ENTPD1: variants seen among roughly 807,000 people sequenced by gnomAD.
ENTPD1 encodes ATP diphosphohydrolase.
A neutral mutation model predicts 57.0 loss-of-function variants in ENTPD1; 33 were observed. That is an observed-to-expected ratio of 0.58 (90% confidence interval 0.44 to 0.77). The LOEUF is 0.77. ENTPD1 is among the 30% of genes least tolerant of loss of function. ENTPD1 has a pLI of 0.00. For missense variants in ENTPD1, 501 were observed against 603.4 expected (o/e 0.83, Z 1.78); for synonymous variants, 202 against 218.8 (o/e 0.92, Z 0.68).
chr10:95,816,127 C>G (rs969599757), intron 1 of ENTPD1, among the ~76,000 whole-genome samples: 8 of 152,200 alleles, frequency 5.3e-5, no homozygotes, highest in African/African-American at 1.9e-4. Flanking sequence ...TTGCTTCTCC[C>G]TGGTGCTTGA....
At chr10:95,755,606 A>G, upstream of ENTPD1, 2 of 1,299,432 alleles carry the variant, frequency 1.5e-6, no homozygotes, top group Non-Finnish European at 2.1e-6. Flanking sequence ...CCAGCCTTCC[A>G]ACCAATAACG....
intron 1 of ENTPD1, among the ~76,000 whole-genome samples, chr10:95,749,232 T>G (rs953473826): frequency 1.3e-5 from 2 of 152,232 alleles, no homozygotes; most frequent in Non-Finnish European, 2.9e-5. Flanking sequence ...AAAGGGAGGT[T>G]GAGTGTTGCT....
chr10:95,873,320 C>T lies in ENTPD1; in HGVS notation c.*6937C>T, dbSNP rs981623683. 1.1e-5 allele frequency: 11 copies of T among 985,398 alleles called. No homozygotes were observed. Among genetic ancestry groups the T allele is most frequent in the Non-Finnish European group, 1.2e-5 (10 of 829,986 alleles). 61.0% of individuals were successfully genotyped at this position (985,398 alleles called of 1,614,324 possible). On this transcript the variant is annotated 3_prime_UTR_variant, in exon 10 of 10. Transcript: ENST00000371205. ...CGTGGTATTTACAAAGCTCACTCCT[C>T]TTATACAACAATCCAAGTGTTTCTT...
chr10:95,722,595 AAG>A (rs1462509072), intron 1 of ENTPD1, among the ~76,000 whole-genome samples: 1 of 147,842 alleles, frequency 6.8e-6, no homozygotes, highest in East Asian at 2.1e-4. Context: ...GAGTTGAACA[AAG>A]AGAACACATG....
At chr10:95,802,756 C>T (rs1354430730) in intron 1 of ENTPD1, among the ~76,000 whole-genome samples, 1 of 152,204 alleles carries the variant, frequency 6.6e-6, no homozygotes, top group Non-Finnish European at 1.5e-5. Context: ...TGGTTTCCAT[C>T]TTCATCCATG....
chr10:95,726,252 C>A lies in ENTPD1; in HGVS notation c.37+14259C>A, dbSNP rs559491231. On this transcript the variant is annotated intron_variant, in intron 1 of 9. Coordinates refer to the ENTPD1 transcript ENST00000453258. Reference sequence around the variant, plus strand: ...CTATTTATAATGTTCATAAATATATCATCTACATATACTAGAACCATAGTG... The same window carrying A: ...CTATTTATAATGTTCATAAATATATAATCTACATATACTAGAACCATAGTG... Among the ~76,000 whole-genome samples, 38 of 152,308 alleles carry A rather than the reference C, an allele frequency of 2.5e-4. No homozygotes were observed. The South Asian group carries it at 7.5e-3, about 30-fold the overall frequency.
At chr10:95,768,451 C>G (rs1023022577) in intron 1 of ENTPD1, among the ~76,000 whole-genome samples, 1 of 151,838 alleles carries the variant, frequency 6.6e-6, no homozygotes, top group Non-Finnish European at 1.5e-5. Context: ...GCCTCCTTCC[C>G]TCTTTCTTTC....
intron 1 of ENTPD1, among the ~76,000 whole-genome samples, chr10:95,712,298 G>A (rs906487440): frequency 8.5e-5 from 13 of 152,138 alleles, no homozygotes; most frequent in Admixed American, 7.2e-4. Flanking sequence ...TATTTGAGCT[G>A]GCACTGCAGA....
chr10:95,753,602 T>A (rs1001326794), upstream of ENTPD1: 1 of 152,242 alleles, frequency 6.6e-6, no homozygotes, highest in African/African-American at 2.4e-5. Flanking sequence ...CTCTCCCTGA[T>A]GAAATGTAAA....
At chr10:95,864,264 T>C (rs2098470232) in intron 8 of ENTPD1, among the ~76,000 whole-genome samples, 1 of 152,190 alleles carries the variant, frequency 6.6e-6, no homozygotes, top group Non-Finnish European at 1.5e-5. Flanking sequence ...TCTGAATTGG[T>C]AGTTTTAAGG....
At chr10:95,783,002 C>T (rs1367537585) in intron 1 of ENTPD1, among the ~76,000 whole-genome samples, 1 of 152,028 alleles carries the variant, frequency 6.6e-6, no homozygotes, top group Non-Finnish European at 1.5e-5. Flanking sequence ...AGCTTTTGCA[C>T]ACCTATAAAA....
At chr10:95,774,385 T>C (rs946224799) in intron 1 of ENTPD1, among the ~76,000 whole-genome samples, 8 of 152,224 alleles carry the variant, frequency 5.3e-5, no homozygotes, top group Non-Finnish European at 1.0e-4. Flanking sequence ...TTTTGGTGTT[T>C]TAGTCATGAA....
chr10:95,854,884 T>C (rs2098451771), intron 7 of ENTPD1, among the ~76,000 whole-genome samples: 1 of 152,198 alleles, frequency 6.6e-6, no homozygotes, highest in Non-Finnish European at 1.5e-5. Context: ...AAGTGTGGTG[T>C]GGCGCTGAAA....
intron 1 of ENTPD1, among the ~76,000 whole-genome samples, chr10:95,777,694 A>G (rs1230384466): frequency 1.3e-5 from 2 of 152,242 alleles, no homozygotes; most frequent in African/African-American, 4.8e-5. Flanking sequence ...CAGAGCTGTT[A>G]GACAGGGACG....
chr10:95,747,644 C>A (rs1189206942), intron 1 of ENTPD1, among the ~76,000 whole-genome samples: 3 of 152,162 alleles, frequency 2.0e-5, no homozygotes, highest in Non-Finnish European at 4.4e-5. Flanking sequence ...CTTAAACCAT[C>A]AAACCACAAT....
intron 1 of ENTPD1, among the ~76,000 whole-genome samples, chr10:95,782,840 C>T (rs931110245): frequency 1.3e-5 from 2 of 152,122 alleles, no homozygotes; most frequent in Admixed American, 6.5e-5. Context: ...ATCTGGATAA[C>T]TACTGGTTTC....
At chr10:95,764,141 G>A (rs2098078843) in intron 1 of ENTPD1, among the ~76,000 whole-genome samples, 1 of 152,054 alleles carries the variant, frequency 6.6e-6, no homozygotes, top group South Asian at 2.1e-4. Flanking sequence ...CTATTAATGG[G>A]CACTCCCCAT....
chr10:95,805,930 C>T (rs1329059450), intron 1 of ENTPD1, among the ~76,000 whole-genome samples: 1 of 152,142 alleles, frequency 6.6e-6, no homozygotes, highest in Non-Finnish European at 1.5e-5. Flanking sequence ...AACATTTTTT[C>T]CTTCATTTCA....
At chr10:95,745,769 T>C (rs1817229850) in intron 1 of ENTPD1, among the ~76,000 whole-genome samples, 1 of 152,334 alleles carries the variant, frequency 6.6e-6, no homozygotes, top group Non-Finnish European at 1.5e-5. Flanking sequence ...CAAACTCTCA[T>C]TGAGTGTCTG....
Sources: gnomAD v4.1 joint callset for allele counts (sites outside exome capture counted in the v4.1 genomes callset) on GRCh38, gnomAD v4.1.1 for gene constraint, MANE v1.5 for transcripts, NCBI Gene and HGNC (gene_info 2026-07-23, HGNC 2026-07-21) for gene names.